Variants in SYN3 observed in about 807,000 individuals in gnomAD.
SYN3 encodes synapsin III.
In SYN3, 35 loss-of-function variants were observed where a neutral mutation model predicts 65.8. The observed-to-expected ratio is 0.53, with a 90% CI of 0.41 to 0.70. The LOEUF (loss-of-function observed/expected upper bound fraction) is 0.70, where lower values mean the gene tolerates loss of function less well. Ranked by LOEUF, SYN3 falls within the 30% of genes least tolerant of loss-of-function variation. The pLI is 0.00. For synonymous variants in SYN3, 270 were observed against 292.9 expected (o/e 0.92, Z 0.80); for missense variants, 680 against 749.0 (o/e 0.91, Z 1.08).
chr22:32,608,549 G>A (rs1040821118), intron 6 of SYN3, among the ~76,000 whole-genome samples: 1 of 152,192 alleles, frequency 6.6e-6, no homozygotes, highest in Non-Finnish European at 1.5e-5. Context: ...TCTTGGTATT[G>A]CATAGAAGAA....
At chr22:32,676,063 G>A (rs1200343335) in intron 6 of SYN3, among the ~76,000 whole-genome samples, 1 of 151,916 alleles carries the variant, frequency 6.6e-6, no homozygotes, top group Non-Finnish European at 1.5e-5. Context: ...GAACTCTGAG[G>A]ATGAAGACTA....
intron 6 of SYN3, among the ~76,000 whole-genome samples, chr22:32,606,162 G>C (rs781406696): frequency 7.9e-5 from 12 of 152,148 alleles, no homozygotes; most frequent in Admixed American, 1.3e-4. Flanking sequence ...GCAAGTGGGG[G>C]CCATGGGATG....
chr22:32,956,329 T>C (rs2051464209), intron 3 of SYN3, among the ~76,000 whole-genome samples: 2 of 152,000 alleles, frequency 1.3e-5, no homozygotes, highest in Non-Finnish European at 2.9e-5. Flanking sequence ...CTAATTTTTG[T>C]ATTTTTAGTA....
At chr22:32,565,960 C>A (rs1160311526) in intron 7 of SYN3, among the ~76,000 whole-genome samples, 1 of 152,070 alleles carries the variant, frequency 6.6e-6, no homozygotes, top group Non-Finnish European at 1.5e-5. Flanking sequence ...GATCTGCCCG[C>A]CTCGGCCTCC....
chr22:33,020,429 G>C (rs1272433490), intron 1 of SYN3, among the ~76,000 whole-genome samples: 1 of 152,154 alleles, frequency 6.6e-6, no homozygotes, highest in Non-Finnish European at 1.5e-5. Flanking sequence ...GAATAAGAGA[G>C]GGTGTCTGAA....
intron 6 of SYN3, among the ~76,000 whole-genome samples, chr22:32,637,535 G>A (rs1050351764): frequency 3.7e-4 from 56 of 151,836 alleles, no homozygotes; most frequent in African/African-American, 1.2e-3. Context: ...TTACCTGGGC[G>A]TATTGCATGA....
chr22:32,611,562 G>A (rs1004425315), intron 6 of SYN3, among the ~76,000 whole-genome samples: 10 of 152,054 alleles, frequency 6.6e-5, no homozygotes, highest in South Asian at 2.1e-4. Context: ...AAAGTGCTGC[G>A]ATTACAGGCT....
At chr22:33,054,590 C>A (rs1410312782) in intron 1 of SYN3, among the ~76,000 whole-genome samples, 3 of 152,172 alleles carry the variant, frequency 2.0e-5, no homozygotes, top group Non-Finnish European at 2.9e-5. Context: ...CAGATCAGCA[C>A]AAACACCAAT....
rs527247514 is a variant in SYN3 at position 32,883,523 on chromosome 22, C to A, written c.462-14398G>T. ...ATCTTGGCTGTACATTGGAATCACC[C>A]AAGGAGCTCTCAAAACTAGTTCTTC... is the stretch of plus-strand genomic sequence containing the variant. On this transcript the variant is annotated intron_variant, in intron 4 of 13. Coordinates refer to ENST00000358763, the MANE Select transcript of SYN3 (RefSeq NM_003490.4). Among the ~76,000 whole-genome samples the A allele has an allele frequency of 2.6e-5, 4 of 152,326 alleles. No homozygotes were observed. In the East Asian group the frequency reaches 5.8e-4, roughly 22 times the overall value.
chr22:32,661,881 A>T (rs886115578), intron 6 of SYN3, among the ~76,000 whole-genome samples: 2 of 152,228 alleles, frequency 1.3e-5, no homozygotes, highest in African/African-American at 4.8e-5. Flanking sequence ...GCCAAGTTGC[A>T]TCTTGCATCT....
rs781427098 is a variant in SYN3, at chr22:32,541,626, C to T, written c.862G>A (p.Asp288Asn). 8.7e-6 allele frequency: 14 copies of T among 1,613,870 alleles called. No homozygotes were observed. In the Admixed American group the frequency reaches 1.2e-4, roughly 13 times the overall value. Reference sequence around the variant, plus strand: ...TGGATGCGGATGTCGTACTTGGAGTCGATGAAGGCCTCGGTGGTGGCGTAG... The same window carrying T: ...TGGATGCGGATGTCGTACTTGGAGTTGATGAAGGCCTCGGTGGTGGCGTAG... ...KTYATTEAFI[D>N]SKYDIRIQKI... The change falls in exon 8 of 14, where the codon GAC becomes AAC. Residue 288 changes from aspartate to asparagine, a missense_variant. By Grantham distance (23) the Asp-to-Asn change is conservative. Transcript: ENST00000358763.
intron 7 of SYN3, among the ~76,000 whole-genome samples, chr22:32,579,913 C>T (rs1053596671): frequency 3.9e-5 from 6 of 152,228 alleles, no homozygotes; most frequent in Non-Finnish European, 5.9e-5. Context: ...GTCATATAAA[C>T]CACATGTTTA....
intron 6 of SYN3, among the ~76,000 whole-genome samples, chr22:32,683,332 A>G (rs1344694648): frequency 2.6e-5 from 4 of 151,518 alleles, no homozygotes; most frequent in African/African-American, 9.7e-5. Context: ...GGCTGACCAA[A>G]CCCCTCCTCC....
intron 7 of SYN3, among the ~76,000 whole-genome samples, chr22:32,565,456 TA>T (rs1278484822): frequency 6.6e-6 from 1 of 151,374 alleles, no homozygotes; most frequent in African/African-American, 2.4e-5. Context: ...CATATACATA[TA>T]AAATAGTTTA....
chr22:32,896,244 C>CAGCAGTTCGAA (rs1556002684), intron 4 of SYN3, among the ~76,000 whole-genome samples: 1 of 152,036 alleles, frequency 6.6e-6, no homozygotes, highest in Admixed American at 6.6e-5. Flanking sequence ...CACATGAGGT[C>CAGCAGTTCGAA]AGCAGTTCGA....
intron 6 of SYN3, among the ~76,000 whole-genome samples, chr22:32,627,151 G>A (rs1178063759): frequency 6.6e-6 from 1 of 150,490 alleles, no homozygotes; most frequent in Non-Finnish European, 1.5e-5. Context: ...GTGGCAGTGC[G>A]GCGGGCGGGT....
At chr22:32,566,897 G>A (rs1601650290) in intron 7 of SYN3, among the ~76,000 whole-genome samples, 1 of 152,142 alleles carries the variant, frequency 6.6e-6, no homozygotes. Context: ...TAGAGGCTAT[G>A]ATGGAAATGA....
chr22:32,694,075 C>G (rs1004710302), intron 6 of SYN3, among the ~76,000 whole-genome samples: 2 of 151,240 alleles, frequency 1.3e-5, no homozygotes, highest in Non-Finnish European at 2.9e-5. Context: ...TGTTTGTGAG[C>G]TATTTATTTA....
At chr22:32,631,720 C>T (rs542622944) in intron 6 of SYN3, among the ~76,000 whole-genome samples, 1 of 152,154 alleles carries the variant, frequency 6.6e-6, no homozygotes, top group Non-Finnish European at 1.5e-5. Flanking sequence ...AATCCTCCCA[C>T]CATCCTATGA....
Sources: gnomAD v4.1 joint callset for allele counts (sites outside exome capture counted in the v4.1 genomes callset) on GRCh38, gnomAD v4.1.1 for gene constraint, MANE v1.5 for transcripts, NCBI Gene and HGNC (gene_info 2026-07-23, HGNC 2026-07-21) for gene names.